ATP8B1: variants seen among roughly 807,000 people sequenced by gnomAD.
The protein encoded by ATP8B1 is ATPase phospholipid transporting 8B1.
ATP8B1 carries 80 observed loss-of-function variants against 149.9 expected under a neutral mutation model. The observed-to-expected ratio is 0.53, with a 90% confidence interval of 0.45 to 0.64. The LOEUF (loss-of-function observed/expected upper bound fraction) is 0.64. Ranked by LOEUF, ATP8B1 falls within the 30% of genes least tolerant of loss-of-function variation. ATP8B1 has a pLI of 0.00. For missense variants in ATP8B1, 1,247 were observed against 1,552.6 expected (o/e 0.80, Z 3.31); for synonymous variants, 536 against 562.8 (o/e 0.95, Z 0.67).
chr18:57,761,310 C>T (rs1299908906), intron 1 of ATP8B1, among the ~76,000 whole-genome samples: 1 of 152,042 alleles, frequency 6.6e-6, no homozygotes, highest in South Asian at 2.1e-4. Context: ...AATGCAGTGG[C>T]CTCTCTGAAG....
rs1385775122 is a variant in ATP8B1, at chr18:57,731,870, T to C, written c.-25-38A>G. 4 of 1,602,400 alleles carry C rather than the reference T, an allele frequency of 2.5e-6. No homozygotes were observed. The Admixed American group carries it at 6.7e-5, about 27-fold the overall frequency. On this transcript the variant is annotated intron_variant, in intron 1 of 27. Coordinates refer to ENST00000648908, the MANE Select transcript of ATP8B1 (RefSeq NM_001374385.1). ...GAGAAACCAGAGTGAATTATGACTC[T>C]TGCCCAGTTTTTGGTTGAATACTGC...
chr18:57,661,819 A>C (rs1473115930), intron 21 of ATP8B1, among the ~76,000 whole-genome samples: 1 of 149,996 alleles, frequency 6.7e-6, no homozygotes, highest in South Asian at 2.1e-4. Context: ...GGTTCAAGCA[A>C]TTTCCCTGCC....
chr18:57,681,283 C>T (rs1290568096), intron 15 of ATP8B1, among the ~76,000 whole-genome samples: 1 of 152,128 alleles, frequency 6.6e-6, no homozygotes, highest in Non-Finnish European at 1.5e-5. Flanking sequence ...ATGGGGACTT[C>T]AGTTCTACAA....
chr18:57,791,361 T>G (rs2080463027), intron 1 of ATP8B1, among the ~76,000 whole-genome samples: 1 of 148,506 alleles, frequency 6.7e-6, no homozygotes, highest in African/African-American at 2.5e-5. Flanking sequence ...CTTTTTTTTT[T>G]TTTTTTTGAG....
Position 57,695,327 on chromosome 18 carries a change from A to C in ATP8B1, c.784T>G (p.Phe262Val). 1 of 1,597,190 alleles carries C rather than the reference A, an allele frequency of 6.3e-7. No individual in the cohort carries two copies. The highest frequency in any genetic ancestry group is 8.6e-7 in the Non-Finnish European group (1 of 1,164,964). Residue 262 changes from phenylalanine (F) to valine (V), a missense_variant and splice_region_variant, in exon 10 of 28, where the codon TTT becomes GTT. Coordinates refer to ENST00000648908, the MANE Select transcript of ATP8B1 (RefSeq NM_001374385.1). ...REDTLATFDG[F>V]IECEEPNNRL... ...TTATTGGGTTCTTCACATTCAATAA[A>C]ACCTTTTAAAAATATAAGATTCACA...
chr18:57,674,675 C>T (rs1391530419), intron 16 of ATP8B1, among the ~76,000 whole-genome samples, 159 bp downstream of exon 16: 2 of 152,176 alleles, frequency 1.3e-5, no homozygotes, highest in Admixed American at 6.5e-5. Flanking sequence ...CGTGAGCCAC[C>T]ACGCCCAGCC....
Position 57,765,587 on chromosome 18 carries a change from T to A in ATP8B1, c.-25-33755A>T, listed in dbSNP as rs1016293173. ...AGGAGGTTAAGGCAGGAAAATTGCT[T>A]GAACCCAGGAGGTGGAGGTTGCAGT... On this transcript the variant is annotated intron_variant, in intron 1 of 27. Transcript: ENST00000648908. Among the ~76,000 whole-genome samples, 8 of 151,678 alleles carry A rather than the reference T, an allele frequency of 5.3e-5. 1 individual carries two copies. The highest frequency in any genetic ancestry group is 2.1e-4 in the South Asian group (1 of 4,788).
At chr18:57,705,869 T>C (rs1249647941) in intron 3 of ATP8B1, among the ~76,000 whole-genome samples, 3 of 152,124 alleles carry the variant, frequency 2.0e-5, no homozygotes, top group Non-Finnish European at 4.4e-5. Flanking sequence ...TTATTATTAT[T>C]ATTATTATTG....
intron 4 of ATP8B1, among the ~76,000 whole-genome samples, chr18:57,703,296 G>A (rs756421550): frequency 3.3e-5 from 5 of 152,084 alleles, no homozygotes; most frequent in Non-Finnish European, 5.9e-5. Context: ...AGTGCCGGGC[G>A]CAGTGGCTCA....
intron 1 of ATP8B1, among the ~76,000 whole-genome samples, chr18:57,753,400 A>C (rs1399750599): frequency 6.6e-6 from 1 of 152,258 alleles, no homozygotes; most frequent in African/African-American, 2.4e-5. Context: ...TACTATTTCT[A>C]CATGTGTTTG....
intron 25 of ATP8B1, 28 bp downstream of exon 25, chr18:57,652,456 C>CTGAATACGGCCAA: frequency 6.2e-7 from 1 of 1,614,084 alleles, no homozygotes; most frequent in Non-Finnish European, 8.5e-7. Context: ...CCAATAGACA[C>CTGAATACGGCCAA]TGAATACGGC....
At chr18:57,757,547 G>A (rs1372613255) in intron 1 of ATP8B1, among the ~76,000 whole-genome samples, 1 of 152,172 alleles carries the variant, frequency 6.6e-6, no homozygotes. Context: ...ACACACGCAT[G>A]TACATGGGAA....
chr18:57,701,523 G>A (rs1913121349), intron 4 of ATP8B1, among the ~76,000 whole-genome samples: 1 of 152,190 alleles, frequency 6.6e-6, no homozygotes, highest in South Asian at 2.1e-4. Context: ...CTGGAACAGA[G>A]CCTAGAGGGC....
At position 57,758,929 on chromosome 18, in the gene ATP8B1, G is replaced by A. The variant is rs184142278; in HGVS notation, c.-25-27097C>T. On this transcript the variant is annotated intron_variant, in intron 1 of 27. Transcript: ENST00000648908. ...TCCCAGCACTTTGGGAGGTTGAGGC[G>A]GGAGGATCACAAGGTCAAGAGATCA... Among the ~76,000 whole-genome samples the A allele has an allele frequency of 2.7e-4, 41 of 152,006 alleles. No individual in the cohort carries two copies. The South Asian group carries it at 6.2e-3, about 23-fold the overall frequency.
chr18:57,706,359 CAAT>C (rs1376766838), intron 3 of ATP8B1, 128 bp downstream of exon 3: 149 of 736,766 alleles, frequency 2.0e-4, no homozygotes, highest in Middle Eastern at 4.6e-4. Context: ...TCTATAGAAA[CAAT>C]GATGATTATC....
At chr18:57,696,738 G>T (rs530156394) in intron 8 of ATP8B1, among the ~76,000 whole-genome samples, 4 of 152,292 alleles carry the variant, frequency 2.6e-5, no homozygotes, top group African/African-American at 7.2e-5. Flanking sequence ...CCTTGGGCGG[G>T]CTGCTGCACC....
intron 1 of ATP8B1, among the ~76,000 whole-genome samples, chr18:57,796,270 T>G (rs1473422081): frequency 6.6e-6 from 1 of 152,244 alleles, no homozygotes; most frequent in African/African-American, 2.4e-5. Flanking sequence ...CTGGTACAAA[T>G]CAGAGCACAG....
chr18:57,715,651 C>T (rs781394102), intron 2 of ATP8B1, among the ~76,000 whole-genome samples: 1 of 152,158 alleles, frequency 6.6e-6, no homozygotes, highest in African/African-American at 2.4e-5. Context: ...AATACAATGG[C>T]ACTCCAATAC....
chr18:57,728,978 C>T (rs1334944383), intron 2 of ATP8B1, among the ~76,000 whole-genome samples: 6 of 151,968 alleles, frequency 3.9e-5, no homozygotes, highest in African/African-American at 1.5e-4. Context: ...CCTTGGCCTC[C>T]CAAAGTGCTG....
Sources: gnomAD v4.1 joint callset for allele counts (sites outside exome capture counted in the v4.1 genomes callset) on GRCh38, gnomAD v4.1.1 for gene constraint, MANE v1.5 for transcripts, NCBI Gene and HGNC (gene_info 2026-07-23, HGNC 2026-07-21) for gene names.